PCDHA12: variants seen among roughly 807,000 people sequenced by gnomAD.
PCDHA12 encodes protocadherin alpha 12.
In PCDHA12, 44 loss-of-function variants were observed where a neutral mutation model predicts 60.0. The ratio of observed to expected loss-of-function variants is 0.73; its 90% CI spans 0.58 to 0.94. PCDHA12 has a LOEUF of 0.94. Ranked by LOEUF, PCDHA12 falls within the 40% of genes least tolerant of loss-of-function variation. PCDHA12 has a pLI of 0.00. For synonymous variants in PCDHA12, 569 were observed against 553.0 expected (o/e 1.03, Z -0.40); for missense variants, 1,276 against 1,239.7 (o/e 1.03, Z -0.44).
chr5:140,969,037 C>T (rs1554231375), intron 1 of PCDHA12: 1 of 1,614,158 alleles, frequency 6.2e-7, no homozygotes, highest in South Asian at 1.1e-5. Flanking sequence ...CAGAACTGTA[C>T]AAACAAGCCA....
At chr5:141,008,568 T>C (rs1430525508) in intron 3 of PCDHA12, among the ~76,000 whole-genome samples, 2 of 152,220 alleles carry the variant, frequency 1.3e-5, no homozygotes, top group African/African-American at 4.8e-5. Flanking sequence ...GCATAATCAT[T>C]TTCCCAAGAC....
At chr5:140,975,364 C>G (rs2096664243) in intron 1 of PCDHA12, among the ~76,000 whole-genome samples, 1 of 152,204 alleles carries the variant, frequency 6.6e-6, no homozygotes, top group South Asian at 2.1e-4. Flanking sequence ...TGCTACATAG[C>G]ATAATGTAAT....
chr5:140,963,496 A>C (rs1554226617), intron 1 of PCDHA12, among the ~76,000 whole-genome samples: 2 of 152,232 alleles, frequency 1.3e-5, no homozygotes, highest in African/African-American at 2.4e-5. Context: ...TGAGGAAACA[A>C]ATCTCTTGAA....
intron 1 of PCDHA12, among the ~76,000 whole-genome samples, chr5:140,941,231 C>CTTTCTTTCTTTCTT (rs1563186950): frequency 5.1e-5 from 7 of 136,876 alleles, no homozygotes; most frequent in East Asian, 2.1e-4. Context: ...TTCTTTCTTT[C>CTTTCTTTCTTTCTT]TTTCTTTCTT....
chr5:141,009,716 C>A lies in PCDHA12; in HGVS notation c.2605C>A (p.Gln869Lys). Residue 869 changes from glutamine (Q) to lysine (K), a missense_variant, in exon 4 of 4, where the codon CAA becomes AAA. Transcript: ENST00000398631. ...TFKYGPGNPK[Q>K]SGPGELPDKF... is the part of the protein sequence containing the mutation. ...TAAATACGGACCAGGCAACCCCAAACAATCCGGTCCCGGTGAGTTGCCCGA... is the reference window on the plus strand; with the variant it reads ...TAAATACGGACCAGGCAACCCCAAAAAATCCGGTCCCGGTGAGTTGCCCGA... 3 of 1,614,168 alleles carry A rather than the reference C, an allele frequency of 1.9e-6. No homozygotes were observed. The highest frequency in any genetic ancestry group is 2.5e-6 in the Non-Finnish European group (3 of 1,180,034).
chr5:140,941,191 T>TTTCTTTCTTTCTTTC lies in PCDHA12; in HGVS notation c.2368-37756_2368-37755insCTTTCTTTCTTTCTT, dbSNP rs1487503403. Among the ~76,000 whole-genome samples, 17 of 93,258 alleles carry TTTCTTTCTTTCTTTC rather than the reference T, an allele frequency of 1.8e-4. No individual in the cohort carries two copies. The South Asian group carries it at 2.0e-3, about 11-fold the overall frequency. The allele number at this position is 93,258 out of a possible 152,430, so 61.2% of individuals were successfully genotyped here. A position where few individuals can be genotyped will look rare whatever the true frequency, so the allele number is the denominator to read the frequency against. ...CATCTTGAACATCCTGCTTCTTTTT[T>TTTCTTTCTTTCTTTC]TTTCTTTCTTCCTTTCTTTCTTCCT... On this transcript the variant is annotated intron_variant, in intron 1 of 3. Coordinates refer to ENST00000398631, the MANE Select transcript of PCDHA12 (RefSeq NM_018903.4).
chr5:140,927,821 T>C (rs1554205108), intron 1 of PCDHA12: 1 of 1,614,118 alleles, frequency 6.2e-7, no homozygotes, highest in South Asian at 1.1e-5. Context: ...GAGGCATACA[T>C]TGAGGCGAGG....
chr5:140,977,899 C>A (rs1193855952), intron 1 of PCDHA12, among the ~76,000 whole-genome samples: 1 of 152,124 alleles, frequency 6.6e-6, no homozygotes, highest in East Asian at 1.9e-4. Context: ...CAAAATACAA[C>A]TTTTATCCCC....
At chr5:140,965,851 A>C (rs1257954575) in intron 1 of PCDHA12, among the ~76,000 whole-genome samples, 1 of 152,252 alleles carries the variant, frequency 6.6e-6, no homozygotes, top group Non-Finnish European at 1.5e-5. Flanking sequence ...GCCAAGGCAC[A>C]CACTGAAAAT....
intron 1 of PCDHA12, chr5:140,882,459 T>G (rs782544853): frequency 6.2e-7 from 1 of 1,613,996 alleles, no homozygotes; most frequent in South Asian, 1.1e-5. Context: ...CCGCGCCTGT[T>G]CCGGGTGGCG....
At chr5:140,914,782 G>T (rs563426406) in intron 1 of PCDHA12, among the ~76,000 whole-genome samples, 3 of 151,862 alleles carry the variant, frequency 2.0e-5, no homozygotes, top group Non-Finnish European at 4.4e-5. Context: ...CTTATCTTAT[G>T]ACCCATTATT....
intron 1 of PCDHA12, chr5:140,884,440 G>T: frequency 1.2e-6 from 2 of 1,613,830 alleles, no homozygotes; most frequent in Non-Finnish European, 1.7e-6. Flanking sequence ...TGCGGTGCTC[G>T]GCACCGCCCA....
rs1554263082 is a variant in PCDHA12 at position 141,010,709 on chromosome 5, TG to T, written c.*773del. 2 of 154,830 alleles carry T rather than the reference TG, an allele frequency of 1.3e-5. No individual in the cohort carries two copies. Among genetic ancestry groups the T allele is most frequent in the African/African-American group, 2.4e-5 (1 of 41,516 alleles). The allele number at this position is 154,830 out of a possible 1,614,324, so 9.6% of individuals were successfully genotyped here. On this transcript the variant is annotated 3_prime_UTR_variant, in exon 4 of 4. Transcript: ENST00000398631. Reference sequence around the variant, plus strand: ...TCTGATGTGTTTCCTATACATGTCCTGTGCTCACTTTATTAAAAATTCTTTT... The same window carrying T: ...TCTGATGTGTTTCCTATACATGTCCTTGCTCACTTTATTAAAAATTCTTTT...
Position 140,928,034 on chromosome 5 carries a change from G to T in PCDHA12, c.2367+50195G>T. 3 of 1,614,206 alleles carry T rather than the reference G, an allele frequency of 1.9e-6. No homozygotes were observed. Among genetic ancestry groups the T allele is most frequent in the Non-Finnish European group, 2.5e-6 (3 of 1,180,036 alleles). Reference sequence around the variant, plus strand: ...GGTAGGGTCATTTGTGGCATGTCTAGTGCAGGCCCTTTTCAGCTGACGGCT... The same window carrying T: ...GGTAGGGTCATTTGTGGCATGTCTATTGCAGGCCCTTTTCAGCTGACGGCT... On this transcript the variant is annotated intron_variant, in intron 1 of 3. Transcript: ENST00000398631.
chr5:140,875,373 A>G lies in PCDHA12; in HGVS notation c.-100A>G. The G allele has an allele frequency of 4.8e-6, 7 of 1,454,810 alleles. No homozygotes were observed. The highest frequency in any genetic ancestry group is 6.3e-6 in the Non-Finnish European group (7 of 1,104,226). The allele number at this position is 1,454,810 out of a possible 1,614,324, so 90.1% of individuals were successfully genotyped here. A position where few individuals can be genotyped will look rare whatever the true frequency, so the allele number is the denominator to read the frequency against. On this transcript the variant is annotated 5_prime_UTR_variant, in exon 1 of 4. The change abolishes the stop of an existing upstream ORF in the 5' untranslated region. Coordinates refer to ENST00000398631, the MANE Select transcript of PCDHA12 (RefSeq NM_018903.4). ...ACTGTGATGCTGGAAAAAATTTACT[A>G]AATATGTACTTACAGAAAAGGGTGA... is the stretch of plus-strand genomic sequence containing the variant.
intron 1 of PCDHA12, among the ~76,000 whole-genome samples, chr5:140,951,086 T>A (rs2094547457): frequency 6.6e-6 from 1 of 152,066 alleles, no homozygotes; most frequent in Admixed American, 6.5e-5. Context: ...ATTTTCCTTT[T>A]TTTCTGATAA....
intron 1 of PCDHA12, among the ~76,000 whole-genome samples, chr5:140,947,967 T>C (rs565128955): frequency 1.2e-4 from 18 of 151,462 alleles, no homozygotes; most frequent in Non-Finnish European, 2.2e-4. Flanking sequence ...ATTAAGTATG[T>C]GCTACTCATA....
At chr5:140,963,168 T>G (rs1554226465) in intron 1 of PCDHA12, among the ~76,000 whole-genome samples, 1 of 152,160 alleles carries the variant, frequency 6.6e-6, no homozygotes, top group East Asian at 1.9e-4. Flanking sequence ...ACATGCCATC[T>G]TACAGATATG....
intron 1 of PCDHA12, chr5:140,883,514 G>C (rs2059648914): frequency 1.2e-6 from 2 of 1,614,220 alleles, no homozygotes; most frequent in Non-Finnish European, 1.7e-6. Context: ...CCTGGACCGC[G>C]AGAGCGTATC....
Sources: gnomAD v4.1 joint callset for allele counts (sites outside exome capture counted in the v4.1 genomes callset) on GRCh38, gnomAD v4.1.1 for gene constraint, MANE v1.5 for transcripts, NCBI Gene and HGNC (gene_info 2026-07-23, HGNC 2026-07-21) for gene names.